Variants in NAV2 observed in about 807,000 individuals in gnomAD.
NAV2 encodes the protein neuron navigator 2, also known as helicase, APC down-regulated 1.
In NAV2, 54 loss-of-function variants were observed where a neutral mutation model predicts 223.2. That is an observed-to-expected ratio of 0.24 (90% CI 0.19 to 0.30). The LOEUF (loss-of-function observed/expected upper bound fraction) is 0.30, where lower values mean the gene tolerates loss of function less well. Ranked by LOEUF, NAV2 falls within the 10% of genes least tolerant of loss-of-function variation. NAV2 has a pLI of 1.00. For missense variants in NAV2, 2,806 were observed against 3,147.5 expected (o/e 0.89, Z 2.60); for synonymous variants, 1,279 against 1,239.3 (o/e 1.03, Z -0.67).
At chr11:20,031,501 A>G (rs926862600) in intron 11 of NAV2, among the ~76,000 whole-genome samples, 1 of 152,228 alleles carries the variant, frequency 6.6e-6, no homozygotes, top group Admixed American at 6.5e-5. Context: ...TAGCATGAGT[A>G]TGCCAAGTGA....
At chr11:19,631,709 T>A (rs908699628) in intron 1 of NAV2, among the ~76,000 whole-genome samples, 1 of 152,194 alleles carries the variant, frequency 6.6e-6, no homozygotes, top group Non-Finnish European at 1.5e-5. Context: ...GTGTGGCACC[T>A]AGAAGGCACC....
intron 3 of NAV2, among the ~76,000 whole-genome samples, chr11:19,857,575 A>G (rs1238939961): frequency 6.6e-6 from 1 of 152,146 alleles, no homozygotes; most frequent in Non-Finnish European, 1.5e-5. Context: ...GGTTCCAGGT[A>G]ATTGCACTGG....
chr11:19,479,299 C>T (rs75938779), intron 1 of NAV2, among the ~76,000 whole-genome samples: 113 of 152,236 alleles, frequency 7.4e-4, no homozygotes, highest in Middle Eastern at 6.8e-3. Context: ...CTCCTCAACT[C>T]GTAACAGAAT....
At chr11:19,554,708 G>T (rs1396602394) in intron 1 of NAV2, among the ~76,000 whole-genome samples, 1 of 152,096 alleles carries the variant, frequency 6.6e-6, no homozygotes, top group African/African-American at 2.4e-5. Flanking sequence ...TCTTAAAAAT[G>T]GTTTTCTATC....
intron 1 of NAV2, among the ~76,000 whole-genome samples, chr11:19,393,340 T>A (rs1185876755): frequency 6.6e-6 from 1 of 152,244 alleles, no homozygotes; most frequent in Admixed American, 6.5e-5. Context: ...CAGTGCCTGC[T>A]GGGAGGCTTC....
At chr11:19,939,174 G>A (rs1032561297) in intron 7 of NAV2, among the ~76,000 whole-genome samples, 4 of 152,172 alleles carry the variant, frequency 2.6e-5, no homozygotes, top group African/African-American at 7.2e-5. Flanking sequence ...AAACACACCT[G>A]CTTGGCACCC....
chr11:19,719,988 A>G (rs1231266139), intron 1 of NAV2, among the ~76,000 whole-genome samples: 1 of 152,244 alleles, frequency 6.6e-6, no homozygotes, highest in Non-Finnish European at 1.5e-5. Flanking sequence ...AGGACCAAGA[A>G]TGGAACATTT....
chr11:19,376,128 T>A (rs1280327954), intron 1 of NAV2, among the ~76,000 whole-genome samples: 1 of 152,228 alleles, frequency 6.6e-6, no homozygotes, highest in Non-Finnish European at 1.5e-5. Context: ...TTTATGGAGA[T>A]GATGTTAAGA....
intron 32 of NAV2, 138 bp downstream of exon 32, chr11:20,101,310 G>A: frequency 1.5e-6 from 1 of 665,692 alleles, no homozygotes; most frequent in Non-Finnish European, 2.6e-6. Context: ...AAGAGGTCCA[G>A]AGGGGGCTAG....
intron 6 of NAV2, among the ~76,000 whole-genome samples, chr11:19,902,057 T>C (rs1303137846): frequency 6.6e-6 from 1 of 152,160 alleles, no homozygotes; most frequent in African/African-American, 2.4e-5. Flanking sequence ...AGCTTGGTGG[T>C]ACTTTATGTG....
In NAV2 at chr11:20,023,699, GGTGTGT is replaced by G. The variant is rs374769800; in HGVS notation, c.2769-12229_2769-12224del. 4.4e-3 allele frequency among the ~76,000 whole-genome samples: 635 copies of G among 144,654 alleles called. 3 individuals are homozygous for G. Among genetic ancestry groups the G allele is most frequent in the South Asian group, 0.011 (49 of 4,402 alleles). The allele number at this position is 144,654 out of a possible 152,430, so 94.9% of individuals were successfully genotyped here. A position where few individuals can be genotyped will look rare whatever the true frequency, so the allele number is the denominator to read the frequency against. On this transcript the variant is annotated intron_variant, in intron 11 of 37. Transcript: ENST00000349880. Reference sequence around the variant, plus strand: ...GTTGTGTTTATACAGCAAATTGCTGGGTGTGTGTGTGTGTGTGTGTGTGTGTGTGTG... The same window carrying G: ...GTTGTGTTTATACAGCAAATTGCTGGGTGTGTGTGTGTGTGTGTGTGTGTG...
At chr11:19,725,073 T>C (rs1284890684) in intron 1 of NAV2, among the ~76,000 whole-genome samples, 1 of 152,246 alleles carries the variant, frequency 6.6e-6, no homozygotes, top group Non-Finnish European at 1.5e-5. Context: ...ATCACTGTTA[T>C]TTACTGAGCA....
At chr11:19,389,720 G>C (rs1425326366) in intron 1 of NAV2, among the ~76,000 whole-genome samples, 3 of 152,216 alleles carry the variant, frequency 2.0e-5, no homozygotes, top group Non-Finnish European at 4.4e-5. Context: ...ATGGAACTGT[G>C]AGTCTTTGGT....
chr11:19,998,918 C>T lies in NAV2; in HGVS notation c.2768+14671C>T, dbSNP rs982185026. ...TGCCTGTTATGTCTTTCCCACTAGA[C>T]TATCAGTATCAATAAGACAGAAACC... On this transcript the variant is annotated intron_variant, in intron 11 of 37. Transcript: ENST00000349880. The surrounding 1 kb of genome is among the most constrained non-coding windows in gnomAD (Gnocchi z 5.0). 4.6e-5 allele frequency among the ~76,000 whole-genome samples: 7 copies of T among 152,224 alleles called. No individual in the cohort carries two copies. The highest frequency in any genetic ancestry group is 2.9e-5 in the Non-Finnish European group (2 of 68,042).
chr11:19,491,653 A>G (rs145267255), intron 1 of NAV2, among the ~76,000 whole-genome samples: 10 of 152,312 alleles, frequency 6.6e-5, no homozygotes, highest in African/African-American at 2.4e-4. Context: ...AACTTTCTCC[A>G]TATCAGCAAT....
intron 1 of NAV2, among the ~76,000 whole-genome samples, chr11:19,548,084 T>C (rs989655654): frequency 6.6e-6 from 1 of 152,234 alleles, no homozygotes; most frequent in African/African-American, 2.4e-5. Flanking sequence ...GCTGCCATCT[T>C]TCCTCCTTAA....
At chr11:19,367,191 C>T (rs541763847) in intron 1 of NAV2, among the ~76,000 whole-genome samples, 1 of 152,322 alleles carries the variant, frequency 6.6e-6, no homozygotes, top group East Asian at 1.9e-4. Flanking sequence ...CTGCCAAGAA[C>T]AACCGTCACA....
chr11:19,553,388 C>G (rs1215439156), intron 1 of NAV2, among the ~76,000 whole-genome samples: 1 of 152,214 alleles, frequency 6.6e-6, no homozygotes, highest in Admixed American at 6.5e-5. Flanking sequence ...CTTCCCAGCT[C>G]ATTTTGGAAG....
intron 22 of NAV2, among the ~76,000 whole-genome samples, chr11:20,071,151 T>C (rs112911358): frequency 2.4e-5 from 3 of 124,236 alleles, no homozygotes; most frequent in East Asian, 3.0e-4. Flanking sequence ...TTCCCCTCCA[T>C]GTATCCATGT....
Sources: allele counts gnomAD v4.1 joint callset (sites outside exome capture counted in the v4.1 genomes callset), GRCh38; gene constraint gnomAD v4.1.1; non-coding constraint Gnocchi (gnomAD v3.1); transcripts MANE v1.5; gene names NCBI Gene and HGNC (gene_info 2026-07-23, HGNC 2026-07-21).